Variants in PREP observed in about 807,000 individuals in gnomAD.
PREP encodes prolyl endopeptidase.
PREP carries 29 observed loss-of-function variants against 87.6 expected under a neutral mutation model. That is an observed-to-expected ratio of 0.33 (90% CI 0.25 to 0.45). PREP has a LOEUF of 0.45. PREP is among the 20% of genes least tolerant of loss of function. PREP has a pLI of 1.00. For synonymous variants in PREP, 337 were observed against 328.6 expected (o/e 1.03, Z -0.28); for missense variants, 695 against 886.5 (o/e 0.78, Z 2.74).
intron 10 of PREP, chr6:105,298,348 G>C (rs566700697): frequency 6.6e-6 from 1 of 152,438 alleles, no homozygotes; most frequent in Non-Finnish European, 1.5e-5. Context: ...CAACCAGTTC[G>C]TCCAGGCCTT....
intron 1 of PREP, among the ~76,000 whole-genome samples, chr6:105,400,007 T>G (rs1432392793): frequency 6.6e-6 from 1 of 152,212 alleles, no homozygotes; most frequent in Non-Finnish European, 1.5e-5. Flanking sequence ...GGCACCATCA[T>G]CTACAGCAGA....
chr6:105,319,406 A>G lies in PREP; in HGVS notation c.1317+4259T>C, dbSNP rs569036199. Among the ~76,000 whole-genome samples, 23 of 152,284 alleles carry G rather than the reference A, an allele frequency of 1.5e-4. 1 individual carries two copies. The highest frequency in any genetic ancestry group is 3.4e-3 in the Middle Eastern group (1 of 294). ...ATAGACTCAGTTAAGTGTTCTTTTC[A>G]GGTCTATAAATTTTGTCTTTCATTT... On this transcript the variant is annotated intron_variant, in intron 10 of 14. Transcript: ENST00000652536.
chr6:105,300,538 T>C (rs1376092178), intron 10 of PREP, among the ~76,000 whole-genome samples: 1 of 152,204 alleles, frequency 6.6e-6, no homozygotes, highest in African/African-American at 2.4e-5. Flanking sequence ...AAGCAGCTTC[T>C]GATTTTGCAC....
chr6:105,392,265 C>T (rs1159876692), intron 2 of PREP, among the ~76,000 whole-genome samples: 1 of 152,034 alleles, frequency 6.6e-6, no homozygotes, highest in Non-Finnish European at 1.5e-5. Context: ...GTCTCGATCT[C>T]CTGACCTCGT....
chr6:105,283,108 G>T (rs1373462082), intron 12 of PREP, among the ~76,000 whole-genome samples: 1 of 152,250 alleles, frequency 6.6e-6, no homozygotes, highest in Admixed American at 6.5e-5. Flanking sequence ...GACATGGTCG[G>T]TGATGGGGAG....
rs1769945125 is a variant in PREP, at chr6:105,276,938, ATAAGGT to A, written c.*1200_*1205del. Among the ~76,000 whole-genome samples, 1 of 152,166 alleles carries A rather than the reference ATAAGGT, an allele frequency of 6.6e-6. No homozygotes were observed. Among genetic ancestry groups the A allele is most frequent in the South Asian group, 2.1e-4 (1 of 4,820 alleles). ...GAAGTAATCTTTTAAGCTATTTTAT[ATAAGGT>A]TAAGATACTATATAAAATAATAATT... On this transcript the variant is annotated 3_prime_UTR_variant, in exon 15 of 15. Transcript: ENST00000652536.
chr6:105,307,450 A>C (rs1033791749), intron 10 of PREP, among the ~76,000 whole-genome samples: 1 of 152,142 alleles, frequency 6.6e-6, no homozygotes, highest in Non-Finnish European at 1.5e-5. Context: ...GAATTGCTGG[A>C]AATGCTTGAT....
chr6:105,345,699 C>G (rs185670056), intron 7 of PREP, among the ~76,000 whole-genome samples: 13 of 152,332 alleles, frequency 8.5e-5, no homozygotes, highest in Non-Finnish European at 1.3e-4. Flanking sequence ...CTGTCTCAGT[C>G]TGCCACATGA....
chr6:105,370,477 T>C (rs1227317083), intron 5 of PREP, among the ~76,000 whole-genome samples: 3 of 152,078 alleles, frequency 2.0e-5, no homozygotes, highest in Non-Finnish European at 4.4e-5. Flanking sequence ...GGAGGATTCT[T>C]ATAAAACTGA....
intron 14 of PREP, chr6:105,280,954 A>G (rs769422404): frequency 1.3e-5 from 2 of 152,234 alleles, no homozygotes; most frequent in Non-Finnish European, 2.9e-5. Flanking sequence ...TATTTGATAT[A>G]AAGTATAATA....
At chr6:105,379,838 A>G (rs1772789992) in intron 2 of PREP, among the ~76,000 whole-genome samples, 2 of 152,226 alleles carry the variant, frequency 1.3e-5, no homozygotes, top group South Asian at 4.1e-4. Flanking sequence ...TACTGGGGAC[A>G]CACCCACAAA....
intron 10 of PREP, among the ~76,000 whole-genome samples, chr6:105,321,653 C>T (rs1449501055): frequency 6.6e-6 from 1 of 151,956 alleles, no homozygotes; most frequent in Non-Finnish European, 1.5e-5. Context: ...GAGGAAACAC[C>T]CCAATCATAC....
rs1344173351 is a variant in PREP, at chr6:105,288,766, G to T, written c.1446C>A (p.Pro482=). The T allele has an allele frequency of 1.9e-6, 3 of 1,613,958 alleles. No homozygotes were observed. Among genetic ancestry groups the T allele is most frequent in the African/African-American group, 1.3e-5 (1 of 74,914 alleles). Residue 482 remains proline (P), a synonymous_variant, in exon 11 of 15, where the codon CCC becomes CCA. Coordinates refer to ENST00000652536, the MANE Select transcript of PREP (RefSeq NM_002726.5). ...GTGCGTTCCGAGCTCACCTGTAGTT[G>T]GGTGTGATGGATATGTTGAAGCCGC... ...GYGGFNISIT[P]NYSVSRLIFV...
At chr6:105,335,591 T>C (rs1771456618) in intron 7 of PREP, among the ~76,000 whole-genome samples, 1 of 152,126 alleles carries the variant, frequency 6.6e-6, no homozygotes, top group Non-Finnish European at 1.5e-5. Context: ...CTAGGAATAA[T>C]AGGTAAATAT....
In PREP at chr6:105,328,965, G is replaced by A. The variant is rs1304651850; in HGVS notation, c.1077C>T (p.Asn359=). 1 of 1,614,012 alleles carries A rather than the reference G, an allele frequency of 6.2e-7. No homozygotes were observed. The highest frequency in any genetic ancestry group is 1.3e-5 in the African/African-American group (1 of 74,906). ...LVLCYLHDVK[N]ILQLHDLTTG... ...TAGTCAGGTCATGGAGCTGCAGAAT[G>A]TTCTTGACGTCATGGAGGTAGCATA... The change falls in exon 9 of 15, where the codon AAC becomes AAT. Residue 359 remains asparagine (N), a synonymous_variant. Coordinates refer to ENST00000652536, the MANE Select transcript of PREP (RefSeq NM_002726.5).
chr6:105,360,270 T>C (rs542957663), intron 6 of PREP, among the ~76,000 whole-genome samples: 1 of 152,316 alleles, frequency 6.6e-6, no homozygotes, highest in East Asian at 1.9e-4. Context: ...TTTCTAGTCA[T>C]TGAGAAACCA....
Position 105,373,369 on chromosome 6 carries a change from C to T in PREP, c.595G>A (p.Gly199Ser). The T allele has an allele frequency of 6.2e-7, 1 of 1,613,822 alleles. No homozygotes were observed. The highest frequency in any genetic ancestry group is 8.5e-7 in the Non-Finnish European group (1 of 1,179,760). ...SYPQQDGKSD[G>S]TETSTNLHQK... ...TGCTTCATCTGAAGTCTTCACTCAC[C>T]ATCACTTTTTCCATCCTGTTGAGGG... Residue 199 changes from glycine (G) to serine (S), a missense_variant and splice_region_variant, in exon 5 of 15, where the codon GGC (glycine) becomes AGC (serine). This residue lies in a region of PREP where 517 missense variants were observed against 620.3 expected (regional missense o/e 0.83). Coordinates refer to ENST00000652536, the MANE Select transcript of PREP (RefSeq NM_002726.5).
chr6:105,309,623 A>G (rs1195096744), intron 10 of PREP, among the ~76,000 whole-genome samples: 7 of 152,130 alleles, frequency 4.6e-5, no homozygotes, highest in Non-Finnish European at 2.9e-5. Context: ...TCAAGATAAA[A>G]TAAGTAAGCA....
chr6:105,278,201 T>A lies in PREP; in HGVS notation c.2076A>T (p.Glu692Asp). 1 of 1,614,206 alleles carries A rather than the reference T, an allele frequency of 6.2e-7. No individual in the cohort carries two copies. The highest frequency in any genetic ancestry group is 8.5e-7 in the Non-Finnish European group (1 of 1,180,022). ...AGKPTAKVIE[E>D]VSDMFAFIAR... The stretch of plus-strand genomic sequence containing the variant: ...CGATGAACGCAAACATGTCTGAGAC[T>A]TCCTCTATCACTTTGGCTGTGGGCT... The change falls in exon 15 of 15, where the codon GAA (glutamate) becomes GAT (aspartate). Residue 692 changes from glutamate (E) to aspartate (D), a missense_variant. Transcript: ENST00000652536. The surrounding 1 kb of genome is among the most constrained non-coding windows in gnomAD (Gnocchi z 4.2).
Sources: gnomAD v4.1 joint callset for allele counts (sites outside exome capture counted in the v4.1 genomes callset) on GRCh38, gnomAD v4.1.1 for gene constraint, gnomAD v4.1.1 regional missense constraint, Gnocchi (gnomAD v3.1) non-coding constraint, MANE v1.5 for transcripts, NCBI Gene and HGNC (gene_info 2026-07-23, HGNC 2026-07-21) for gene names.